The following PTCH1 variants were observed in gnomAD, a reference collection of about 807,000 sequenced individuals.
The protein encoded by PTCH1 is patched 1.
In PTCH1, 14 loss-of-function variants were observed where a neutral mutation model predicts 144.6. That is an observed-to-expected ratio of 0.10 (90% CI 0.06 to 0.15). PTCH1 has a LOEUF of 0.15. Among genes scored for constraint, PTCH1 ranks in the 10% least tolerant of loss-of-function variants. PTCH1 has a pLI of 1.00. For missense variants in PTCH1, 1,623 were observed against 1,948.3 expected (o/e 0.83, Z 3.14); for synonymous variants, 833 against 793.6 (o/e 1.05, Z -0.83).
At position 95,447,238 on chromosome 9, in the gene PTCH1, C is replaced by T. The variant is rs1485371101; in HGVS notation, c.4018G>A (p.Gly1340Ser). Residue 1340 changes from glycine to serine, a missense_variant, in exon 23 of 24, where the codon GGC (glycine) becomes AGC (serine). Coordinates refer to ENST00000331920, the MANE Select transcript of PTCH1 (RefSeq NM_000264.5). ...HSGPSNRARW[G>S]PRGARSHNPR... The stretch of plus-strand genomic sequence containing the variant: ...TTGTGAGAACGGGCCCCGCGAGGGC[C>T]CCAGCGGGCCCTATTGCTAGGGCCA... 4 of 1,611,542 alleles carry T rather than the reference C, an allele frequency of 2.5e-6. No homozygotes were observed. Among genetic ancestry groups the T allele is most frequent in the Non-Finnish European group, 3.4e-6 (4 of 1,178,584 alleles).
At chr9:95,450,222 T>C (rs902538365) in intron 20 of PTCH1, 16 of 463,920 alleles carry the variant, frequency 3.4e-5, no homozygotes, top group Non-Finnish European at 5.2e-5. Context: ...TCTGATGGCA[T>C]GTAATGTTAT....
At chr9:95,492,804 A>G (rs1842512499) in intron 2 of PTCH1, among the ~76,000 whole-genome samples, 1 of 136,660 alleles carries the variant, frequency 7.3e-6, no homozygotes, top group Non-Finnish European at 1.5e-5. Context: ...GACTTTTCTC[A>G]GCCAGTGAGG....
At chr9:95,507,684 T>G in intron 1 of PTCH1, 1 of 182,806 alleles carries the variant, frequency 5.5e-6, no homozygotes. Flanking sequence ...CCCTCCCCCC[T>G]TCCTCTCTCC....
chr9:95,508,038 A>AGT (rs1279918976), intron 1 of PTCH1, 123 bp downstream of exon 1: 49 of 1,356,008 alleles, frequency 3.6e-5, no homozygotes, highest in Admixed American at 8.7e-5. Flanking sequence ...GAGAGGTGTG[A>AGT]GTGAGTGTGT....
At chr9:95,510,405 C>G (rs927553868), upstream of PTCH1, among the ~76,000 whole-genome samples, 1 of 152,220 alleles carries the variant, frequency 6.6e-6, no homozygotes, top group South Asian at 2.1e-4. Context: ...CCAGTGTCAC[C>G]AAGGCATCCC....
intron 12 of PTCH1, among the ~76,000 whole-genome samples, chr9:95,470,908 C>T (rs540187348): frequency 8.5e-4 from 130 of 152,194 alleles, no homozygotes; most frequent in African/African-American, 2.6e-3. Flanking sequence ...GGTGAAACCC[C>T]GTCTCTACTA....
At chr9:95,471,212 C>T (rs973731608) in intron 12 of PTCH1, among the ~76,000 whole-genome samples, 19 of 152,328 alleles carry the variant, frequency 1.2e-4, no homozygotes, top group Admixed American at 1.2e-3. Context: ...TAACTGCCAC[C>T]TAACACAATC....
rs1484111496 is a variant in PTCH1, at chr9:95,480,053, T to A, written c.983A>T (p.His328Leu). 1.3e-5 allele frequency: 21 copies of A among 1,613,962 alleles called. No homozygotes were observed. The highest frequency in any genetic ancestry group is 1.7e-5 in the Non-Finnish European group (20 of 1,180,016). Residue 328 changes from histidine (H) to leucine (L), a missense_variant, in exon 7 of 24, where the codon CAT (histidine) becomes CTT (leucine). Coordinates refer to ENST00000331920, the MANE Select transcript of PTCH1 (RefSeq NM_000264.5). ...DMALVLNGGCHGLSRKYMHWQ... is the reference protein window; with the variant it reads ...DMALVLNGGCLGLSRKYMHWQ... ...GTGCATATACTTTCTGGATAAGCCA[T>A]GACATCCACCATTCAAAACAAGGGC...
chr9:95,467,576 A>G (rs1048866545), intron 14 of PTCH1, 151 bp from the exon 15 acceptor site: 16 of 775,712 alleles, frequency 2.1e-5, no homozygotes, highest in Non-Finnish European at 2.5e-5. Flanking sequence ...AAAAAGGATA[A>G]AATCATAGTA....
intron 7 of PTCH1, 83 bp downstream of exon 7, chr9:95,479,886 A>C: frequency 6.3e-7 from 1 of 1,597,188 alleles, no homozygotes; most frequent in Non-Finnish European, 8.6e-7. Flanking sequence ...ATACAAATAC[A>C]CTTGCCGATG....
intron 2 of PTCH1, among the ~76,000 whole-genome samples, chr9:95,488,699 T>A (rs2118600252): frequency 6.6e-6 from 1 of 152,210 alleles, no homozygotes; most frequent in South Asian, 2.1e-4. Flanking sequence ...GGCATGCTGG[T>A]CAGTGAAGGG....
upstream of PTCH1, among the ~76,000 whole-genome samples, chr9:95,513,876 G>C (rs1295604640): frequency 6.6e-6 from 1 of 151,968 alleles, no homozygotes; most frequent in Admixed American, 6.6e-5. Context: ...TCAAAATAAT[G>C]CTGCTAATTA....
At chr9:95,507,041 C>T (rs2118890751) in intron 1 of PTCH1, 1 of 988,442 alleles carries the variant, frequency 1.0e-6, no homozygotes, top group East Asian at 1.1e-4. Context: ...GGGACGGGCG[C>T]TAGGGGCGAG....
At chr9:95,509,442 A>G (rs886411892), upstream of PTCH1, among the ~76,000 whole-genome samples, 1 of 152,242 alleles carries the variant, frequency 6.6e-6, no homozygotes, top group Non-Finnish European at 1.5e-5. Flanking sequence ...CCACCCAGGT[A>G]GGCAACCCAG....
Position 95,445,177 on chromosome 9 carries a change from A to G in PTCH1, c.*1216T>C, listed in dbSNP as rs1837781471. 1.3e-5 allele frequency: 2 copies of G among 152,200 alleles called. No homozygotes were observed. Among genetic ancestry groups the G allele is most frequent in the South Asian group, 4.1e-4 (2 of 4,828 alleles). 9.4% of individuals were successfully genotyped at this position (152,200 alleles called of 1,614,324 possible). On this transcript the variant is annotated 3_prime_UTR_variant, in exon 24 of 24. Coordinates refer to ENST00000331920, the MANE Select transcript of PTCH1 (RefSeq NM_000264.5). Reference sequence around the variant, plus strand: ...AAGCCTCAACCAGCTGCTCCATTTAAGAGAGGGAGTTTAAACTATAGGGAC... The same window carrying G: ...AAGCCTCAACCAGCTGCTCCATTTAGGAGAGGGAGTTTAAACTATAGGGAC...
rs776424978 is a variant in PTCH1, at chr9:95,506,440, G to T, written c.361C>A (p.Leu121Ile). Residue 121 changes from leucine to isoleucine, a missense_variant, in exon 2 of 24, where the codon CTC becomes ATC. Transcript: ENST00000331920. ...CACAGCTCCTCCACGTTGGTCTCGA[G>T]GTTCGCTGCTTTTAATCCCACCGCG... ...AFAVGLKAAN[L>I]ETNVEELWVE... The T allele has an allele frequency of 6.2e-7, 1 of 1,612,596 alleles. No individual in the cohort carries two copies. Among genetic ancestry groups the T allele is most frequent in the Non-Finnish European group, 8.5e-7 (1 of 1,179,534 alleles).
At chr9:95,491,013 A>C (rs1842367403) in intron 2 of PTCH1, among the ~76,000 whole-genome samples, 1 of 152,224 alleles carries the variant, frequency 6.6e-6, no homozygotes, top group South Asian at 2.1e-4. Context: ...TGTATCAATA[A>C]TACTAATAAA....
At chr9:95,516,390 C>T (rs1342950687) in intron 1 of PTCH1, 7 of 1,163,470 alleles carry the variant, frequency 6.0e-6, no homozygotes, top group African/African-American at 1.6e-5. Context: ...GTCCCGCGTC[C>T]CCGTGTCCCC....
At chr9:95,493,454 T>C (rs902523577) in intron 2 of PTCH1, among the ~76,000 whole-genome samples, 2 of 152,174 alleles carry the variant, frequency 1.3e-5, no homozygotes, top group African/African-American at 4.8e-5. Context: ...GAATGCGCAG[T>C]CTCAATACAG....
Sources: allele counts gnomAD v4.1 joint callset (sites outside exome capture counted in the v4.1 genomes callset), GRCh38; gene constraint gnomAD v4.1.1; transcripts MANE v1.5; gene names NCBI Gene and HGNC (gene_info 2026-07-23, HGNC 2026-07-21).